The following EFCAB3 variants were observed in gnomAD, a reference collection of about 807,000 sequenced individuals.
EFCAB3 encodes EF-hand calcium-binding domain-containing protein 3.
Under a neutral mutation model 42.2 loss-of-function variants are expected in EFCAB3, and 36 were observed. The ratio of observed to expected loss-of-function variants is 0.85; its 90% confidence interval spans 0.65 to 1.13. EFCAB3 has a LOEUF of 1.13. Among genes scored for constraint, EFCAB3 ranks in the 50% most tolerant of loss-of-function variants. EFCAB3 has a pLI of 0.00. For synonymous variants in EFCAB3, 170 were observed against 172.8 expected (o/e 0.98, Z 0.13); for missense variants, 418 against 505.1 (o/e 0.83, Z 1.65).
rs1016688985 is a variant in EFCAB3 at position 62,398,935 on chromosome 17, A to C, written c.488+3747A>C. Among the ~76,000 whole-genome samples the C allele has an allele frequency of 2.0e-5, 3 of 152,156 alleles. No individual in the cohort carries two copies. In the East Asian group the frequency reaches 5.8e-4, roughly 29 times the overall value. On this transcript the variant is annotated intron_variant, in intron 6 of 9. Transcript: ENST00000305286. ...GACACCGTTTATTGAATATGTAATA[A>C]ATGCAAAGCTCTGAGCAAGCACTTT...
chr17:62,383,791 A>C (rs2070225095), intron 2 of EFCAB3, among the ~76,000 whole-genome samples: 1 of 152,146 alleles, frequency 6.6e-6, no homozygotes, highest in Non-Finnish European at 1.5e-5. Context: ...GATCATAAAG[A>C]AGACCTAAAC....
chr17:62,406,164 T>C (rs1208224972), intron 6 of EFCAB3, among the ~76,000 whole-genome samples: 1 of 151,058 alleles, frequency 6.6e-6, no homozygotes, highest in Non-Finnish European at 1.5e-5. Context: ...AGCCCAGGAG[T>C]TCCAGTCCAG....
intron 4 of EFCAB3, among the ~76,000 whole-genome samples, chr17:62,392,201 A>G (rs1166894587): frequency 6.7e-6 from 1 of 149,962 alleles, no homozygotes; most frequent in African/African-American, 2.4e-5. Context: ...TTTGAATACT[A>G]TATACAAATA....
At chr17:62,389,624 A>T (rs2070285292) in intron 3 of EFCAB3, among the ~76,000 whole-genome samples, 1 of 152,222 alleles carries the variant, frequency 6.6e-6, no homozygotes, top group African/African-American at 2.4e-5. Context: ...CAATCAGATT[A>T]GAATTTCCGT....
Position 62,380,595 on chromosome 17 carries a change from T to C in EFCAB3, c.-36T>C. ...CTGATTGAAGCCCAGAAGTGGTAGG[T>C]AGCACGGCTTAAAAGTAGGTAAATA... On this transcript the variant is annotated 5_prime_UTR_variant, in exon 1 of 10. Coordinates refer to ENST00000305286, the MANE Select transcript of EFCAB3 (RefSeq NM_173503.4). The C allele has an allele frequency of 2.0e-6, 2 of 985,420 alleles. No individual in the cohort carries two copies. The highest frequency in any genetic ancestry group is 4.7e-5 in the South Asian group (1 of 21,290). 61.0% of individuals were successfully genotyped at this position (985,420 alleles called of 1,614,324 possible). A position where few individuals can be genotyped will look rare whatever the true frequency, so the allele number is the denominator to read the frequency against.
chr17:62,406,342 A>G, intron 6 of EFCAB3, 138 bp from the exon 7 acceptor site: 1 of 634,936 alleles, frequency 1.6e-6, no homozygotes, highest in African/African-American at 1.8e-5. Context: ...AGAAATGGGC[A>G]CTCAAATATT....
At chr17:62,390,996 C>A (rs924014076) in intron 3 of EFCAB3, among the ~76,000 whole-genome samples, 1 of 152,214 alleles carries the variant, frequency 6.6e-6, no homozygotes, top group Non-Finnish European at 1.5e-5. Flanking sequence ...CATACATACA[C>A]ACATATGTGA....
intron 3 of EFCAB3, 99 bp downstream of exon 3, chr17:62,387,515 A>C: frequency 1.0e-6 from 1 of 989,110 alleles, no homozygotes; most frequent in Non-Finnish European, 1.5e-6. Context: ...GGTTGTCTAC[A>C]CCACCATCAT....
intron 2 of EFCAB3, among the ~76,000 whole-genome samples, chr17:62,386,441 C>T (rs1477744502): frequency 1.3e-5 from 2 of 150,314 alleles, no homozygotes; most frequent in East Asian, 1.9e-4. Context: ...TACAGTTTGA[C>T]GATTGTAAAA....
At chr17:62,402,151 C>T (rs2144099262) in intron 6 of EFCAB3, among the ~76,000 whole-genome samples, 1 of 152,306 alleles carries the variant, frequency 6.6e-6, no homozygotes, top group Non-Finnish European at 1.5e-5. Flanking sequence ...TATCCTGAGA[C>T]TTTGCTGAAG....
Position 62,389,828 on chromosome 17 carries a change from A to T in EFCAB3, c.152-1994A>T, listed in dbSNP as rs1345890775. Among the ~76,000 whole-genome samples the T allele has an allele frequency of 3.3e-5, 5 of 151,916 alleles. No homozygotes were observed. In the East Asian group the frequency reaches 9.7e-4, roughly 29 times the overall value. On this transcript the variant is annotated intron_variant, in intron 3 of 9. Transcript: ENST00000305286. ...TTATTTAATTTTTATTTATTTATTT[A>T]TTTTTTTCTGTGCAGTGGTGCCATC...
chr17:62,405,896 CT>C (rs1052929487), intron 6 of EFCAB3, among the ~76,000 whole-genome samples: 1 of 152,062 alleles, frequency 6.6e-6, no homozygotes, highest in Non-Finnish European at 1.5e-5. Flanking sequence ...ATTTTCTTTT[CT>C]TTTTTATACT....
At chr17:62,394,352 C>G (rs1461619707) in intron 5 of EFCAB3, among the ~76,000 whole-genome samples, 1 of 152,154 alleles carries the variant, frequency 6.6e-6, no homozygotes, top group Non-Finnish European at 1.5e-5. Flanking sequence ...AATGTACTCT[C>G]TCATGTAAAT....
intron 8 of EFCAB3, among the ~76,000 whole-genome samples, chr17:62,407,549 T>C (rs1433191981): frequency 6.6e-6 from 1 of 152,024 alleles, no homozygotes; most frequent in African/African-American, 2.4e-5. Context: ...TAGATTGTGG[T>C]TGGGCAAACA....
chr17:62,405,768 C>T (rs1042940837), intron 6 of EFCAB3, among the ~76,000 whole-genome samples: 1 of 152,158 alleles, frequency 6.6e-6, no homozygotes, highest in Non-Finnish European at 1.5e-5. Flanking sequence ...AATGTATAAC[C>T]TAAAACACCC....
At chr17:62,401,406 GT>G (rs2070402070) in intron 6 of EFCAB3, among the ~76,000 whole-genome samples, 1 of 152,148 alleles carries the variant, frequency 6.6e-6, no homozygotes, top group African/African-American at 2.4e-5. Context: ...TTCTTCTAGG[GT>G]TTTTATGGTT....
chr17:62,412,877 G>A (rs2070511642), intron 8 of EFCAB3, among the ~76,000 whole-genome samples: 1 of 152,024 alleles, frequency 6.6e-6, no homozygotes, highest in East Asian at 1.9e-4. Context: ...TTTAACTTAA[G>A]GAAAACGTGA....
intron 6 of EFCAB3, among the ~76,000 whole-genome samples, chr17:62,398,367 T>C (rs1005803015): frequency 4.0e-5 from 6 of 151,142 alleles, no homozygotes; most frequent in African/African-American, 1.5e-4. Context: ...GGCACAAGAA[T>C]GGCTTGAATC....
intron 9 of EFCAB3, among the ~76,000 whole-genome samples, chr17:62,414,469 C>T (rs908328800): frequency 2.6e-5 from 4 of 152,136 alleles, no homozygotes; most frequent in Non-Finnish European, 5.9e-5. Context: ...TCTACCTCTA[C>T]GCTGGGTCTC....
Sources: allele counts gnomAD v4.1 joint callset (sites outside exome capture counted in the v4.1 genomes callset), GRCh38; gene constraint gnomAD v4.1.1; transcripts MANE v1.5; gene names NCBI Gene and HGNC (gene_info 2026-07-23, HGNC 2026-07-21).